MAST3: variants seen among roughly 807,000 people sequenced by gnomAD.
The protein encoded by MAST3 is microtubule associated serine/threonine kinase 3, also known as microtubule-associated serine/threonine-protein kinase 3.
A neutral mutation model predicts 127.0 loss-of-function variants in MAST3; 43 were observed. That is an observed-to-expected ratio of 0.34 (90% confidence interval 0.27 to 0.44). The LOEUF is 0.44. Ranked by LOEUF, MAST3 falls within the 20% of genes least tolerant of loss-of-function variation. The pLI is 1.00. For missense variants in MAST3, 1,390 were observed against 1,919.1 expected (o/e 0.72, Z 5.15); for synonymous variants, 785 against 809.2 (o/e 0.97, Z 0.51).
Position 18,124,666 on chromosome 19 carries a change from C to T in MAST3, c.970C>T (p.His324Tyr). 2.5e-6 allele frequency: 4 copies of T among 1,602,476 alleles called. No individual in the cohort carries two copies. The highest frequency in any genetic ancestry group is 3.4e-6 in the Non-Finnish European group (4 of 1,175,480). The part of the protein sequence containing the change: ...CLEFDPEEFY[H>Y]LLEAAEGHAR... ...GGAGTTTGACCCTGAGGAATTTTAC[C>T]ACCTGCTGGAGGCGGCTGAGGGCCA... The change falls in exon 11 of 28, where the codon CAC (histidine) becomes TAC (tyrosine). Residue 324 changes from histidine (H) to tyrosine (Y), a missense_variant. His to Tyr is a moderately conservative substitution (Grantham distance 83). Coordinates refer to ENST00000687212, the MANE Select transcript of MAST3 (RefSeq NM_001393504.1).
At position 18,110,786 on chromosome 19, in the gene MAST3, A is replaced by G. The variant is rs928028689; in HGVS notation, c.161+45A>G. Reference sequence around the variant, plus strand: ...GGCGGGGCGCAGACATCGCCCTGGCACCCCAGAGCCTTGGAAACCCTCCAG... The same window carrying G: ...GGCGGGGCGCAGACATCGCCCTGGCGCCCCAGAGCCTTGGAAACCCTCCAG... On this transcript the variant is annotated intron_variant, in intron 3 of 27. Transcript: ENST00000687212. The surrounding 1 kb of genome is among the most constrained non-coding windows in gnomAD (Gnocchi z 4.3). 1.1e-6 allele frequency: 1 copy of G among 924,438 alleles called. No individual in the cohort carries two copies. Among genetic ancestry groups the G allele is most frequent in the Non-Finnish European group, 1.3e-6 (1 of 774,220 alleles). 57.3% of individuals were successfully genotyped at this position (924,438 alleles called of 1,614,324 possible).
At chr19:18,119,097 G>A in intron 3 of MAST3, among the ~76,000 whole-genome samples, 1 of 152,178 alleles carries the variant, frequency 6.6e-6, no homozygotes, top group South Asian at 2.1e-4. Flanking sequence ...GCAACTTCTC[G>A]AGGTCCTGGA....
chr19:18,119,028 C>T (rs1022908485), intron 3 of MAST3, among the ~76,000 whole-genome samples: 1 of 152,160 alleles, frequency 6.6e-6, no homozygotes, highest in African/African-American at 2.4e-5. Context: ...CAGGCCCCTG[C>T]TTTCTGCCAC....
At position 18,123,996 on chromosome 19, in the gene MAST3, G is replaced by A. The variant is rs778308319; in HGVS notation, c.691G>A (p.Ala231Thr). Residue 231 changes from alanine (A) to threonine (T), a missense_variant, in exon 9 of 28, where the codon GCC (alanine) becomes ACC (threonine). Around this residue, in one of 5 missense-constraint regions of MAST3, gnomAD observed 277 missense variants for 384.8 expected, o/e 0.72. Coordinates refer to ENST00000687212, the MANE Select transcript of MAST3 (RefSeq NM_001393504.1). ...QEFLTAYAPGARLALADGVLG... is the reference protein window; with the variant it reads ...QEFLTAYAPGTRLALADGVLG... ...GTTCCTGACGGCCTACGCGCCCGGC[G>A]CCCGGCTGGCGCTGGCTGATGGCGT... 5 of 1,592,890 alleles carry A rather than the reference G, an allele frequency of 3.1e-6. No homozygotes were observed. Among genetic ancestry groups the A allele is most frequent in the South Asian group, 1.1e-5 (1 of 87,954 alleles).
At position 18,145,764 on chromosome 19, in the gene MAST3, G is replaced by A. The variant is rs373396984; in HGVS notation, c.3061G>A (p.Ala1021Thr). The A allele has an allele frequency of 3.2e-6, 5 of 1,586,384 alleles. No homozygotes were observed. The highest frequency in any genetic ancestry group is 1.4e-5 in the African/African-American group (1 of 72,822). The change falls in exon 25 of 28, where the codon GCC (alanine) becomes ACC (threonine). Residue 1021 changes from alanine (A) to threonine (T), a missense_variant. By Grantham distance (58) the Ala-to-Thr change is moderately conservative. This residue lies in a region of MAST3 where 816 missense variants were observed against 934.1 expected (regional missense o/e 0.87). Coordinates refer to ENST00000687212, the MANE Select transcript of MAST3 (RefSeq NM_001393504.1). The surrounding 1 kb of genome is among the most constrained non-coding windows in gnomAD (Gnocchi z 5.9). Reference protein sequence around the residue: ...VVWSVEDGSPAQEAGLRAGDL... With the variant: ...VVWSVEDGSPTQEAGLRAGDL... ...CCAGAGTGTGGAGGACGGAAGCCCC[G>A]CCCAGGAGGCGGGCCTGCGGGCTGG...
At chr19:18,121,638 G>A (rs776711524) in intron 3 of MAST3, 47 bp from the exon 4 acceptor site, 33 of 1,531,766 alleles carry the variant, frequency 2.2e-5, no homozygotes, top group Middle Eastern at 2.1e-4. Context: ...GTGGCTTAGC[G>A]CGGGGCCCTG....
At chr19:18,124,922 A>C in intron 11 of MAST3, 148 bp downstream of exon 11, 10 of 845,206 alleles carry the variant, frequency 1.2e-5, no homozygotes, top group East Asian at 4.0e-5. Flanking sequence ...CCTGGCCAAC[A>C]TGGTGGAAAC....
Position 18,147,115 on chromosome 19 carries a change from T to G in MAST3, c.3326+71T>G, listed in dbSNP as rs1406732821. On this transcript the variant is annotated intron_variant, in intron 26 of 27. Transcript: ENST00000687212. The stretch of plus-strand genomic sequence containing the variant: ...TTCTTTTTCCTTTTTTTTTTTTTTT[T>G]TTTTTTGAGACAGAGTCTTGCTCTG... 1.9e-5 allele frequency: 25 copies of G among 1,304,008 alleles called. No individual in the cohort carries two copies. In the African/African-American group the frequency reaches 2.6e-4, roughly 14 times the overall value. 80.8% of individuals were successfully genotyped at this position (1,304,008 alleles called of 1,614,324 possible).
intron 11 of MAST3, among the ~76,000 whole-genome samples, chr19:18,125,775 G>C (rs543724347): frequency 5.8e-4 from 88 of 151,924 alleles, no homozygotes; most frequent in Middle Eastern, 3.4e-3. Context: ...CAGCCAGCCA[G>C]GTGCAGTGGC....
In MAST3 at chr19:18,123,972, T is replaced by C; in HGVS notation, c.667T>C (p.Phe223Leu). The C allele has an allele frequency of 2.5e-6, 4 of 1,580,380 alleles. No individual in the cohort carries two copies. In the South Asian group the frequency reaches 3.5e-5, roughly 14 times the overall value. Residue 223 changes from phenylalanine (F) to leucine (L), a missense_variant, in exon 9 of 28, where the codon TTC (phenylalanine) becomes CTC (leucine). By Grantham distance (22) the Phe-to-Leu change is conservative. Transcript: ENST00000687212. ...TAQMEGRLQE[F>L]LTAYAPGARL... is the part of the protein sequence containing the mutation. ...ACAGATGGAGGGCCGTCTGCAGGAG[T>C]TCCTGACGGCCTACGCGCCCGGCGC...
intron 11 of MAST3, among the ~76,000 whole-genome samples, chr19:18,127,557 G>A (rs1329476927): frequency 2.6e-5 from 4 of 152,138 alleles, no homozygotes; most frequent in Admixed American, 2.0e-4. Flanking sequence ...GGTGGCAGGC[G>A]CCTGTAATCC....
rs760151563 is a variant in MAST3 at position 18,123,270 on chromosome 19, G to A, written c.453G>A (p.Pro151=). ...ACCAGCTTCCCTTCCAGCCGACGCCGGACGAGCTGCACTTCCTGTCCAAGC... is the reference window on the plus strand; with the variant it reads ...ACCAGCTTCCCTTCCAGCCGACGCCAGACGAGCTGCACTTCCTGTCCAAGC... ...RLHQLPFQPT[P]DELHFLSKHF... is the part of the protein sequence containing the mutation. Residue 151 remains proline, a synonymous_variant, in exon 7 of 28, where the codon CCG becomes CCA. Transcript: ENST00000687212. 3.0e-5 allele frequency: 48 copies of A among 1,613,690 alleles called. No individual in the cohort carries two copies. The highest frequency in any genetic ancestry group is 1.6e-4 in the Middle Eastern group (1 of 6,084).
Position 18,133,518 on chromosome 19 carries a change from T to C in MAST3, c.1572-1061T>C, listed in dbSNP as rs143621807. The stretch of plus-strand genomic sequence containing the variant: ...CCTCAGCTTCCCGAGTAGCTGGGAT[T>C]ACAGGCATGCGCCACCACTACGCCC... On this transcript the variant is annotated intron_variant, in intron 15 of 27. Transcript: ENST00000687212. 3.3e-5 allele frequency among the ~76,000 whole-genome samples: 5 copies of C among 150,966 alleles called. No individual in the cohort carries two copies. In the East Asian group the frequency reaches 9.7e-4, roughly 29 times the overall value.
At chr19:18,114,242 C>T (rs145050276) in intron 3 of MAST3, among the ~76,000 whole-genome samples, 2,657 of 149,384 alleles carry the variant, frequency 0.018, 27 homozygotes, top group Middle Eastern at 0.048. Context: ...GGCTGGAGTA[C>T]AGTGGTGCGA....
intron 13 of MAST3, among the ~76,000 whole-genome samples, chr19:18,129,613 G>A (rs531327943): frequency 9.2e-5 from 14 of 152,290 alleles, no homozygotes; most frequent in Admixed American, 8.5e-4. Flanking sequence ...TAAAACAAAC[G>A]GATGTGTAAA....
At chr19:18,133,879 C>T (rs114548857) in intron 15 of MAST3, among the ~76,000 whole-genome samples, 96 of 152,116 alleles carry the variant, frequency 6.3e-4, no homozygotes, top group African/African-American at 2.2e-3. Flanking sequence ...AAAACTCTCA[C>T]GCAAGTACAG....
At position 18,110,042 on chromosome 19, in the gene MAST3, C is replaced by T. The variant is rs1001339766; in HGVS notation, c.72-610C>T. 1.7e-4 allele frequency: 168 copies of T among 985,242 alleles called. No individual in the cohort carries two copies. The highest frequency in any genetic ancestry group is 2.0e-4 in the Non-Finnish European group (165 of 829,912). The allele number at this position is 985,242 out of a possible 1,614,324, so 61.0% of individuals were successfully genotyped here. Reference sequence around the variant, plus strand: ...GCCGGCGGCCTCGGCGTCCCTGCGGCAGACAGGGCGGCACCCGCGGCTCCC... The same window carrying T: ...GCCGGCGGCCTCGGCGTCCCTGCGGTAGACAGGGCGGCACCCGCGGCTCCC... On this transcript the variant is annotated intron_variant, in intron 2 of 27. Coordinates refer to ENST00000687212, the MANE Select transcript of MAST3 (RefSeq NM_001393504.1). This position sits in a 1 kb window ranked among gnomAD's most constrained non-coding sequence, Gnocchi z 4.3.
intron 7 of MAST3, 56 bp downstream of exon 7, chr19:18,123,430 C>T: frequency 1.3e-6 from 2 of 1,543,526 alleles, no homozygotes. Context: ...GTGTGGAGGC[C>T]CAAGTTGTGG....
At chr19:18,135,686 G>A (rs2041823659) in intron 17 of MAST3, 54 bp from the exon 18 acceptor site, 1 of 1,339,118 alleles carries the variant, frequency 7.5e-7, no homozygotes, top group Non-Finnish European at 1.0e-6. Context: ...TACTAGAAAG[G>A]GGTACCCTGC....
Sources: allele counts gnomAD v4.1 joint callset (sites outside exome capture counted in the v4.1 genomes callset), GRCh38; gene constraint gnomAD v4.1.1; regional missense constraint gnomAD v4.1.1; non-coding constraint Gnocchi (gnomAD v3.1); transcripts MANE v1.5; gene names NCBI Gene and HGNC (gene_info 2026-07-23, HGNC 2026-07-21).